The following RAP1GAP2 variants were observed in gnomAD, a reference collection of about 807,000 sequenced individuals.
The protein encoded by RAP1GAP2 is rap1 GTPase-activating protein 2.
A neutral mutation model predicts 95.0 loss-of-function variants in RAP1GAP2; 27 were observed. The ratio of observed to expected loss-of-function variants is 0.28; its 90% CI spans 0.21 to 0.39. The LOEUF (loss-of-function observed/expected upper bound fraction) is 0.39, where lower values mean the gene tolerates loss of function less well. Ranked by LOEUF, RAP1GAP2 falls within the 10% of genes least tolerant of loss-of-function variation. The pLI, the probability that RAP1GAP2 is intolerant of heterozygous loss-of-function variation, is 1.00. For missense variants in RAP1GAP2, 771 were observed against 970.0 expected (o/e 0.79, Z 2.72); for synonymous variants, 373 against 380.9 (o/e 0.98, Z 0.24).
intron 2 of RAP1GAP2, among the ~76,000 whole-genome samples, chr17:2,811,904 G>A (rs905612777): frequency 2.6e-5 from 4 of 151,670 alleles, no homozygotes; most frequent in African/African-American, 9.7e-5. Flanking sequence ...TACTAGAGGC[G>A]AGGTTTCACC....
At chr17:2,985,823 C>G (rs1203804567) in intron 11 of RAP1GAP2, among the ~76,000 whole-genome samples, 2 of 152,152 alleles carry the variant, frequency 1.3e-5, no homozygotes, top group Admixed American at 1.3e-4. Flanking sequence ...GTAAAGGGCT[C>G]TTTATAACTT....
intron 8 of RAP1GAP2, among the ~76,000 whole-genome samples, chr17:2,976,636 A>G (rs899439537): frequency 1.3e-5 from 2 of 152,158 alleles, no homozygotes; most frequent in African/African-American, 4.8e-5. Flanking sequence ...AGGAAGCTGG[A>G]AAAAGAGTAG....
rs966903338 is a variant in RAP1GAP2 at position 3,027,424 on chromosome 17, G to A, written c.2107+354G>A. 2.0e-5 allele frequency among the ~76,000 whole-genome samples: 3 copies of A among 152,130 alleles called. No homozygotes were observed. Among genetic ancestry groups the A allele is most frequent in the East Asian group, 1.9e-4 (1 of 5,178 alleles). On this transcript the variant is annotated intron_variant, in intron 22 of 24. Coordinates refer to ENST00000254695, the MANE Select transcript of RAP1GAP2 (RefSeq NM_015085.5). The surrounding 1 kb of genome is among the most constrained non-coding windows in gnomAD (Gnocchi z 5.2). ...TCTCCCCACCTGCCAGCGCTCCAGG[G>A]CTGCCAGGGCCCGTCTGTCATGTCG...
At chr17:2,858,993 G>A (rs929337440) in intron 2 of RAP1GAP2, among the ~76,000 whole-genome samples, 7 of 151,750 alleles carry the variant, frequency 4.6e-5, no homozygotes, top group Admixed American at 2.0e-4. Flanking sequence ...TATTTAGTCA[G>A]TATTTGAATT....
chr17:2,899,175 CAT>C (rs2087545222), intron 2 of RAP1GAP2, among the ~76,000 whole-genome samples: 1 of 152,168 alleles, frequency 6.6e-6, no homozygotes, highest in African/African-American at 2.4e-5. Context: ...TCTTTATAGT[CAT>C]AAGCTATCAG....
At chr17:2,832,177 C>G (rs537952873) in intron 2 of RAP1GAP2, among the ~76,000 whole-genome samples, 34 of 130,908 alleles carry the variant, frequency 2.6e-4, no homozygotes, top group Non-Finnish European at 4.4e-4. Context: ...GCATTCCAGT[C>G]TGGGTGACAG....
At chr17:2,771,611 T>G (rs1226592689) in intron 2 of RAP1GAP2, among the ~76,000 whole-genome samples, 4 of 147,750 alleles carry the variant, frequency 2.7e-5, no homozygotes, top group African/African-American at 1.0e-4. Context: ...TGCCTCAGCC[T>G]CCCGCGTAGC....
At chr17:2,758,219 A>C (rs1411879381) in intron 1 of RAP1GAP2, among the ~76,000 whole-genome samples, 5 of 117,558 alleles carry the variant, frequency 4.3e-5, no homozygotes, top group Non-Finnish European at 8.3e-5. Context: ...TCTGTTGCCC[A>C]GGCTGGAGTG....
At chr17:2,961,914 T>A (rs1233178242) in intron 4 of RAP1GAP2, among the ~76,000 whole-genome samples, 9 of 109,988 alleles carry the variant, frequency 8.2e-5, no homozygotes, top group South Asian at 2.9e-4. Context: ...TTTTTTTTTT[T>A]AATTTGAGAC....
chr17:2,938,271 C>T (rs1239404957), intron 3 of RAP1GAP2, among the ~76,000 whole-genome samples: 2 of 152,124 alleles, frequency 1.3e-5, no homozygotes, highest in Non-Finnish European at 2.9e-5. Context: ...AGCAGGGCCA[C>T]GAGTTAGTAG....
intron 14 of RAP1GAP2, 58 bp downstream of exon 14, chr17:2,998,434 AT>A: frequency 6.4e-7 from 1 of 1,571,950 alleles, no homozygotes; most frequent in Non-Finnish European, 8.7e-7. Flanking sequence ...CCCTGTGTGG[AT>A]GCTGTGATAT....
chr17:2,921,909 G>A (rs967042750), intron 3 of RAP1GAP2, among the ~76,000 whole-genome samples: 1 of 152,168 alleles, frequency 6.6e-6, no homozygotes. Context: ...CTCCCTGGGG[G>A]TCTCTCCTCT....
At chr17:2,844,349 G>T (rs1001098302) in intron 2 of RAP1GAP2, among the ~76,000 whole-genome samples, 1 of 152,186 alleles carries the variant, frequency 6.6e-6, no homozygotes, top group Non-Finnish European at 1.5e-5. Flanking sequence ...GCTGCTTTGG[G>T]ACTTGGAGGG....
In RAP1GAP2 at chr17:2,963,238, T is replaced by C; in HGVS notation, c.247-192T>C. 1.5e-6 allele frequency: 1 copy of C among 676,904 alleles called. No individual in the cohort carries two copies. Among genetic ancestry groups the C allele is most frequent in the Non-Finnish European group, 2.6e-6 (1 of 381,258 alleles). The allele number at this position is 676,904 out of a possible 1,614,324, so 41.9% of individuals were successfully genotyped here. A position where few individuals can be genotyped will look rare whatever the true frequency, so the allele number is the denominator to read the frequency against. On this transcript the variant is annotated intron_variant, in intron 5 of 24. Coordinates refer to ENST00000254695, the MANE Select transcript of RAP1GAP2 (RefSeq NM_015085.5). The surrounding 1 kb of genome is among the most constrained non-coding windows in gnomAD (Gnocchi z 4.8). The stretch of plus-strand genomic sequence containing the variant: ...ATCATCAGCTGGCAGGGTTTATGTT[T>C]GGGTTCTGTCAGTTTGGAGAAGAAC...
intron 12 of RAP1GAP2, among the ~76,000 whole-genome samples, chr17:2,991,712 G>A (rs898523874): frequency 6.6e-6 from 1 of 152,164 alleles, no homozygotes; most frequent in Admixed American, 6.5e-5. Context: ...CAGGTGTGTG[G>A]GAAAGGGAGC....
Position 3,037,379 on chromosome 17 carries a change from C to T in RAP1GAP2, c.*4018C>T, listed in dbSNP as rs1308676790. Reference sequence around the variant, plus strand: ...AGTGTGAACTACCCCCCCCCCCCCGCTTCCTGCTCCTTAGCATGCGTGCAG... The same window carrying T: ...AGTGTGAACTACCCCCCCCCCCCCGTTTCCTGCTCCTTAGCATGCGTGCAG... On this transcript the variant is annotated 3_prime_UTR_variant, in exon 25 of 25. Coordinates refer to ENST00000254695, the MANE Select transcript of RAP1GAP2 (RefSeq NM_015085.5). 1 of 102,614 alleles carries T rather than the reference C, an allele frequency of 9.7e-6. No individual in the cohort carries two copies. Among genetic ancestry groups the T allele is most frequent in the Non-Finnish European group, 2.3e-5 (1 of 43,348 alleles). The allele number at this position is 102,614 out of a possible 1,614,324, so 6.4% of individuals were successfully genotyped here.
intron 2 of RAP1GAP2, among the ~76,000 whole-genome samples, chr17:2,842,768 G>A (rs1429504593): frequency 6.6e-6 from 1 of 151,952 alleles, no homozygotes; most frequent in Non-Finnish European, 1.5e-5. Context: ...TGTCAGGGCC[G>A]AAGGTGGGTC....
chr17:2,894,291 A>G (rs192513255), intron 2 of RAP1GAP2, among the ~76,000 whole-genome samples: 22 of 152,272 alleles, frequency 1.4e-4, no homozygotes, highest in Admixed American at 1.3e-3. Context: ...TTAGCCAGGC[A>G]TGGTGGTAGG....
intron 10 of RAP1GAP2, among the ~76,000 whole-genome samples, chr17:2,984,354 C>A (rs771583620): frequency 6.6e-6 from 1 of 152,028 alleles, no homozygotes; most frequent in African/African-American, 2.4e-5. Context: ...TCTCAAAAAA[C>A]AAAAACAACA....
Sources: allele counts gnomAD v4.1 joint callset (sites outside exome capture counted in the v4.1 genomes callset), GRCh38; gene constraint gnomAD v4.1.1; non-coding constraint Gnocchi (gnomAD v3.1); transcripts MANE v1.5; gene names NCBI Gene and HGNC (gene_info 2026-07-23, HGNC 2026-07-21).